The following EFNA5 variants were observed in gnomAD, a reference collection of about 807,000 sequenced individuals.
EFNA5 encodes ephrin-A5.
A neutral mutation model predicts 22.9 loss-of-function variants in EFNA5; 5 were observed. The ratio of observed to expected loss-of-function variants is 0.22; its 90% CI spans 0.11 to 0.46. The LOEUF is 0.46. EFNA5 is among the 20% of genes least tolerant of loss of function. The pLI, the probability that EFNA5 is intolerant of heterozygous loss-of-function variation, is 0.99. For synonymous variants in EFNA5, 113 were observed against 112.2 expected, an observed-to-expected ratio of 1.01 and a Z score of -0.04; for missense variants, 237 against 293.3, an observed-to-expected ratio of 0.81 and a Z score of 1.40.
intron 1 of EFNA5, among the ~76,000 whole-genome samples, chr5:107,652,040 T>C (rs543534074): frequency 2.4e-4 from 36 of 152,310 alleles, no homozygotes; most frequent in Non-Finnish European, 4.6e-4. Flanking sequence ...GATATCTCTG[T>C]ACCATCCTCT....
chr5:107,653,173 C>T (rs1052639196), intron 1 of EFNA5, among the ~76,000 whole-genome samples: 1 of 152,068 alleles, frequency 6.6e-6, no homozygotes, highest in Non-Finnish European at 1.5e-5. Context: ...CAATTTACAT[C>T]TCCTTGAGAA....
At chr5:107,538,404 T>C (rs186088454) in intron 1 of EFNA5, among the ~76,000 whole-genome samples, 2 of 152,320 alleles carry the variant, frequency 1.3e-5, no homozygotes. Flanking sequence ...CAAAGCACTG[T>C]TTATGCTCTT....
intron 2 of EFNA5, among the ~76,000 whole-genome samples, chr5:107,414,440 T>A (rs1748452839): frequency 6.6e-6 from 1 of 152,176 alleles, no homozygotes; most frequent in East Asian, 1.9e-4. Flanking sequence ...TGTGAGCTCC[T>A]AGAGGACAAA....
chr5:107,504,413 T>G (rs548787454), intron 1 of EFNA5, among the ~76,000 whole-genome samples: 2 of 152,214 alleles, frequency 1.3e-5, no homozygotes, highest in Non-Finnish European at 2.9e-5. Flanking sequence ...AAAAAAGAAC[T>G]AGATGCTAAA....
At chr5:107,569,547 GTATATA>G (rs1254151483) in intron 1 of EFNA5, among the ~76,000 whole-genome samples, 13 of 104,420 alleles carry the variant, frequency 1.2e-4, no homozygotes, top group African/African-American at 4.0e-4. Context: ...ATATATGTGT[GTATATA>G]TATATTTATA....
intron 1 of EFNA5, among the ~76,000 whole-genome samples, chr5:107,429,421 G>C (rs1748890602): frequency 6.6e-6 from 1 of 152,210 alleles, no homozygotes; most frequent in African/African-American, 2.4e-5. Flanking sequence ...ACTCCAGCCT[G>C]GGTGACAGAG....
At position 107,577,225 on chromosome 5, in the gene EFNA5, T is replaced by C. The variant is rs199659581; in HGVS notation, c.125+93264A>G. On this transcript the variant is annotated intron_variant, in intron 1 of 4. Coordinates refer to ENST00000333274, the MANE Select transcript of EFNA5 (RefSeq NM_001962.3). ...AGGCACTTTGGCCACCTGGTCACTCTGAAACAAGTCAATTGTGAACATAAA... is the reference window on the plus strand; with the variant it reads ...AGGCACTTTGGCCACCTGGTCACTCCGAAACAAGTCAATTGTGAACATAAA... 1.6e-4 allele frequency among the ~76,000 whole-genome samples: 24 copies of C among 152,256 alleles called. No individual in the cohort carries two copies. In the East Asian group the frequency reaches 1.7e-3, roughly 11 times the overall value.
chr5:107,385,724 C>T (rs1747596144), intron 4 of EFNA5, among the ~76,000 whole-genome samples: 2 of 152,108 alleles, frequency 1.3e-5, no homozygotes, highest in African/African-American at 4.8e-5. Flanking sequence ...CTTGCAGATC[C>T]TCTGGTGGCC....
chr5:107,447,693 AG>A (rs1437168764), intron 1 of EFNA5, among the ~76,000 whole-genome samples: 3 of 152,214 alleles, frequency 2.0e-5, no homozygotes, highest in Non-Finnish European at 2.9e-5. Flanking sequence ...GACGAAGGGG[AG>A]GGGGGCTTCT....
intron 1 of EFNA5, among the ~76,000 whole-genome samples, chr5:107,572,497 C>G (rs73781118): frequency 0.011 from 1,654 of 152,264 alleles, 36 homozygotes; most frequent in African/African-American, 0.038. Flanking sequence ...CCAAAGGGAA[C>G]CTGCCATGAA....
chr5:107,460,867 G>T (rs1171365709), intron 1 of EFNA5, among the ~76,000 whole-genome samples: 1 of 152,136 alleles, frequency 6.6e-6, no homozygotes, highest in African/African-American at 2.4e-5. Flanking sequence ...AAATAAGCTT[G>T]TTATTAGCAC....
chr5:107,403,050 G>T (rs80081624), intron 2 of EFNA5, among the ~76,000 whole-genome samples: 8 of 152,200 alleles, frequency 5.3e-5, no homozygotes, highest in Non-Finnish European at 8.8e-5. Flanking sequence ...CTCGCAGCAG[G>T]GGGGGAAGTG....
chr5:107,577,943 C>T (rs190022617), intron 1 of EFNA5, among the ~76,000 whole-genome samples: 110 of 152,284 alleles, frequency 7.2e-4, no homozygotes, highest in East Asian at 4.0e-3. Flanking sequence ...TTATGCCTGA[C>T]AGTTGGCATT....
chr5:107,558,701 T>C (rs1361040186), intron 1 of EFNA5, among the ~76,000 whole-genome samples: 1 of 152,234 alleles, frequency 6.6e-6, no homozygotes, highest in Non-Finnish European at 1.5e-5. Flanking sequence ...AATGGTCAAA[T>C]GCTGTGACCT....
At chr5:107,452,668 A>G (rs895493823) in intron 1 of EFNA5, among the ~76,000 whole-genome samples, 1 of 152,190 alleles carries the variant, frequency 6.6e-6, no homozygotes. Context: ...TCAAGGCTGC[A>G]GTGAATCGTG....
chr5:107,442,233 C>T (rs952156406), intron 1 of EFNA5, among the ~76,000 whole-genome samples: 53 of 152,060 alleles, frequency 3.5e-4, no homozygotes, highest in African/African-American at 1.1e-3. Flanking sequence ...AACCCTACTT[C>T]GGAATCAAGA....
At chr5:107,466,949 T>C (rs982702475) in intron 1 of EFNA5, among the ~76,000 whole-genome samples, 1 of 152,204 alleles carries the variant, frequency 6.6e-6, no homozygotes, top group Non-Finnish European at 1.5e-5. Flanking sequence ...TTGTCTTAAG[T>C]ATTTCTTTTA....
intron 1 of EFNA5, among the ~76,000 whole-genome samples, chr5:107,515,196 C>A (rs1310550772): frequency 1.3e-5 from 2 of 150,948 alleles, no homozygotes; most frequent in Non-Finnish European, 3.0e-5. Context: ...GCCACCACAC[C>A]TGGCTAATTT....
Position 107,496,336 on chromosome 5 carries a change from CAAAAAAAAA to C in EFNA5, c.126-68836_126-68828del, listed in dbSNP as rs77916124. The stretch of plus-strand genomic sequence containing the variant: ...GGGCAACGAGAGCAAAATTCCATCT[CAAAAAAAAA>C]AAAAAAAACAAAAAAACAAAAAACA... On this transcript the variant is annotated intron_variant, in intron 1 of 4. Coordinates refer to ENST00000333274, the MANE Select transcript of EFNA5 (RefSeq NM_001962.3). Among the ~76,000 whole-genome samples the C allele has an allele frequency of 9.1e-4, 73 of 79,846 alleles. 1 individual carries two copies. Among genetic ancestry groups the C allele is most frequent in the Middle Eastern group, 6.8e-3 (1 of 148 alleles). 52.4% of individuals were successfully genotyped at this position (79,846 alleles called of 152,430 possible). A position where few individuals can be genotyped will look rare whatever the true frequency, so the allele number is the denominator to read the frequency against.
Sources: gnomAD v4.1 joint callset for allele counts (sites outside exome capture counted in the v4.1 genomes callset) on GRCh38, gnomAD v4.1.1 for gene constraint, MANE v1.5 for transcripts, NCBI Gene and HGNC (gene_info 2026-07-23, HGNC 2026-07-21) for gene names.